The following ABL2 variants were observed in gnomAD, a reference collection of about 807,000 sequenced individuals.
ABL2 encodes tyrosine-protein kinase ABL2.
A neutral mutation model predicts 107.7 loss-of-function variants in ABL2; 49 were observed. That is an observed-to-expected ratio of 0.45 (90% CI 0.36 to 0.58). The LOEUF (loss-of-function observed/expected upper bound fraction) is 0.58, where lower values mean the gene tolerates loss of function less well. ABL2 is among the 20% of genes least tolerant of loss of function. The pLI is 0.00. For synonymous variants in ABL2, 549 were observed against 548.6 expected, an observed-to-expected ratio of 1.00 and a Z score of -0.01; for missense variants, 1,245 against 1,457.0, an observed-to-expected ratio of 0.85 and a Z score of 2.37.
At chr1:179,121,983 T>C (rs1655253373) in intron 4 of ABL2, 116 bp from the exon 5 acceptor site, 13 of 1,035,116 alleles carry the variant, frequency 1.3e-5, no homozygotes, top group Non-Finnish European at 1.7e-5. Context: ...TGGAGTGCAC[T>C]GGCGCGATCT....
Position 179,104,042 on chromosome 1 carries a change from TTTTG to T in ABL2, c.*3672_*3675del, listed in dbSNP as rs1276863770. 4 of 233,212 alleles carry T rather than the reference TTTTG, an allele frequency of 1.7e-5. No homozygotes were observed. The highest frequency in any genetic ancestry group is 2.2e-5 in the African/African-American group (1 of 45,320). 14.4% of individuals were successfully genotyped at this position (233,212 alleles called of 1,614,324 possible). The stretch of plus-strand genomic sequence containing the variant: ...GGAGTGGGGCTATTCCGTCAGTTTT[TTTTG>T]TTTGTTTTGTTTTGTTTTTTAACCC... On this transcript the variant is annotated 3_prime_UTR_variant, in exon 12 of 12. Transcript: ENST00000502732.
intron 1 of ABL2, among the ~76,000 whole-genome samples, chr1:179,186,388 G>A (rs1453887004): frequency 6.6e-6 from 1 of 151,970 alleles, no homozygotes; most frequent in African/African-American, 2.4e-5. Flanking sequence ...TGTTGTTGTT[G>A]TTGTTTTGAG....
chr1:179,225,171 C>A (rs1485351846), intron 1 of ABL2, among the ~76,000 whole-genome samples: 1 of 152,120 alleles, frequency 6.6e-6, no homozygotes, highest in Admixed American at 6.6e-5. Context: ...TTTGGCAAGG[C>A]AAATTATTAT....
Position 179,229,362 on chromosome 1 carries a change from C to G in ABL2, c.36G>C (p.Pro12=), listed in dbSNP as rs777771003. The G allele has an allele frequency of 6.4e-7, 1 of 1,573,942 alleles. No individual in the cohort carries two copies. The highest frequency in any genetic ancestry group is 1.8e-5 in the Admixed American group (1 of 55,070). ...CGCGGGGCTGAGGCTGCTGGAGCCC[C>G]GGAGCTTCCCCGACGCGGCCCACCT... ...GQQVGRVGEA[P]GLQQPQPRGI... The change falls in exon 1 of 12, where the codon CCG becomes CCC. Residue 12 remains proline (P), a synonymous_variant. Transcript: ENST00000502732.
intron 1 of ABL2, among the ~76,000 whole-genome samples, chr1:179,157,980 G>T (rs1015471382): frequency 1.3e-5 from 2 of 152,186 alleles, no homozygotes; most frequent in Non-Finnish European, 2.9e-5. Flanking sequence ...TCGAAAGAAT[G>T]GTTCATTTCC....
At chr1:179,137,251 G>A (rs866085714) in intron 1 of ABL2, among the ~76,000 whole-genome samples, 12 of 151,946 alleles carry the variant, frequency 7.9e-5, no homozygotes, top group Admixed American at 5.2e-4. Flanking sequence ...CTTCAAACCG[G>A]TTTCATATAT....
At chr1:179,170,330 A>C (rs1028528962) in intron 1 of ABL2, among the ~76,000 whole-genome samples, 1 of 152,192 alleles carries the variant, frequency 6.6e-6, no homozygotes, top group African/African-American at 2.4e-5. Context: ...TTACGTTTCC[A>C]ACATGCAAGC....
At chr1:179,173,490 G>A (rs1357426206) in intron 1 of ABL2, among the ~76,000 whole-genome samples, 1 of 149,722 alleles carries the variant, frequency 6.7e-6, no homozygotes, top group Non-Finnish European at 1.5e-5. Flanking sequence ...AGCCTCTCTA[G>A]CAGCTGGGAT....
At chr1:179,223,994 T>A (rs903235172) in intron 1 of ABL2, among the ~76,000 whole-genome samples, 2 of 148,870 alleles carry the variant, frequency 1.3e-5, no homozygotes, top group African/African-American at 2.5e-5. Context: ...AAAGGCATGG[T>A]GGCGTGCACC....
At chr1:179,118,199 A>C (rs948381831) in intron 7 of ABL2, among the ~76,000 whole-genome samples, 1 of 150,412 alleles carries the variant, frequency 6.6e-6, no homozygotes, top group Admixed American at 6.6e-5. Context: ...AGGATCTTGG[A>C]TACAGTGCTG....
intron 1 of ABL2, among the ~76,000 whole-genome samples, chr1:179,200,421 G>A (rs1010189652): frequency 5.9e-5 from 9 of 152,138 alleles, no homozygotes; most frequent in African/African-American, 2.2e-4. Flanking sequence ...TTTCTATACA[G>A]TACAGAACCT....
chr1:179,101,242 T>C lies in ABL2; in HGVS notation c.*6476A>G, dbSNP rs968689513. On this transcript the variant is annotated 3_prime_UTR_variant, in exon 12 of 12. Transcript: ENST00000502732. ...CAGTTTCTGCCATTCCAAGTCAGCT[T>C]TGAATCATGACCTGCCACAGGCCTC... 2.7e-5 allele frequency: 6 copies of C among 224,096 alleles called. No individual in the cohort carries two copies. Among genetic ancestry groups the C allele is most frequent in the African/African-American group, 1.1e-4 (5 of 44,720 alleles). 13.9% of individuals were successfully genotyped at this position (224,096 alleles called of 1,614,324 possible). A position where few individuals can be genotyped will look rare whatever the true frequency, so the allele number is the denominator to read the frequency against.
chr1:179,178,401 C>CAAAAAAAAAAG (rs1660170869), intron 1 of ABL2, among the ~76,000 whole-genome samples: 1 of 68,642 alleles, frequency 1.5e-5, no homozygotes, highest in African/African-American at 5.3e-5. Flanking sequence ...GACTCTGCCT[C>CAAAAAAAAAAG]AAAAAAAAAA....
In ABL2 at chr1:179,130,726, T is replaced by TTGTGTGTGTG. The variant is rs10643666; in HGVS notation, c.391+575_391+584dup. ...CAAATAAAATCAATCATTATTGATTTTGTGTGTGTGTGTGTGTGTGTGTGT... is the reference window on the plus strand; with the variant it reads ...CAAATAAAATCAATCATTATTGATTTTGTGTGTGTGTGTGTGTGTGTGTGTGTGTGTGTGT... On this transcript the variant is annotated intron_variant, in intron 3 of 11. Transcript: ENST00000502732. Among the ~76,000 whole-genome samples the TTGTGTGTGTG allele has an allele frequency of 8.6e-3, 1,226 of 142,792 alleles. 13 individuals are homozygous for TTGTGTGTGTG. Among genetic ancestry groups the TTGTGTGTGTG allele is most frequent in the African/African-American group, 0.025 (951 of 38,424 alleles). The allele number at this position is 142,792 out of a possible 152,430, so 93.7% of individuals were successfully genotyped here. A position where few individuals can be genotyped will look rare whatever the true frequency, so the allele number is the denominator to read the frequency against.
chr1:179,224,690 A>C (rs1044213320), intron 1 of ABL2, among the ~76,000 whole-genome samples: 6 of 152,078 alleles, frequency 3.9e-5, no homozygotes, highest in African/African-American at 1.4e-4. Context: ...CTAGATTATT[A>C]GTCATGAAAC....
At chr1:179,209,354 C>T (rs777826127) in intron 1 of ABL2, among the ~76,000 whole-genome samples, 4 of 152,164 alleles carry the variant, frequency 2.6e-5, no homozygotes, top group African/African-American at 7.2e-5. Context: ...GACTTCTACA[C>T]GCTGTCCACT....
At chr1:179,136,788 T>C (rs1436064764) in intron 1 of ABL2, among the ~76,000 whole-genome samples, 3 of 151,434 alleles carry the variant, frequency 2.0e-5, no homozygotes, top group African/African-American at 7.3e-5. Context: ...TGGTGGCACA[T>C]GCCTATAATC....
Position 179,108,137 on chromosome 1 carries a change from G to A in ABL2, c.3130C>T (p.Pro1044Ser), listed in dbSNP as rs370534653. Residue 1044 changes from proline (P) to serine (S), a missense_variant, in exon 12 of 12, where the codon CCT becomes TCT. Pro to Ser is a moderately conservative substitution (Grantham distance 74). This residue lies in a region of ABL2 where 761 missense variants were observed against 766.4 expected (regional missense o/e 0.99). Transcript: ENST00000502732. ...GAAGATGTGGGCAGAGGCACTTGAG[G>A]TGGAGGCATCACTGGCCTCCCAGCT... ...GKAGRPVMPP[P>S]QVPLPTSSIS... The A allele has an allele frequency of 1.9e-5, 31 of 1,614,138 alleles. No homozygotes were observed. The highest frequency in any genetic ancestry group is 1.6e-4 in the Middle Eastern group (1 of 6,084).
chr1:179,161,964 CA>C (rs1030824759), intron 1 of ABL2, among the ~76,000 whole-genome samples: 1 of 152,104 alleles, frequency 6.6e-6, no homozygotes, highest in African/African-American at 2.4e-5. Context: ...GCCCTTCCAC[CA>C]GGTGATGTCT....
Sources: gnomAD v4.1 joint callset for allele counts (sites outside exome capture counted in the v4.1 genomes callset) on GRCh38, gnomAD v4.1.1 for gene constraint, gnomAD v4.1.1 regional missense constraint, MANE v1.5 for transcripts, NCBI Gene and HGNC (gene_info 2026-07-23, HGNC 2026-07-21) for gene names.